Variants in EPB41L3 observed in about 807,000 individuals in gnomAD.
EPB41L3 encodes band 4.1-like protein 3.
Under a neutral mutation model 127.1 loss-of-function variants are expected in EPB41L3, and 57 were observed. That is an observed-to-expected ratio of 0.45 (90% CI 0.36 to 0.56). The LOEUF is 0.56. Ranked by LOEUF, EPB41L3 falls within the 20% of genes least tolerant of loss-of-function variation. The probability of loss-of-function intolerance (pLI) is 0.00; values close to 1 mark genes in which losing one functional copy is unlikely to be tolerated. For synonymous variants in EPB41L3, 572 were observed against 549.5 expected, an observed-to-expected ratio of 1.04 and a Z score of -0.57; for missense variants, 1,273 against 1,372.2, an observed-to-expected ratio of 0.93 and a Z score of 1.14.
At chr18:5,532,251 T>A (rs2093435617) in intron 1 of EPB41L3, among the ~76,000 whole-genome samples, 1 of 152,214 alleles carries the variant, frequency 6.6e-6, no homozygotes, top group African/African-American at 2.4e-5. Context: ...TGAAATCTTG[T>A]TTACTACTCA....
chr18:5,506,161 G>T (rs1267462035), intron 1 of EPB41L3, among the ~76,000 whole-genome samples: 1 of 151,862 alleles, frequency 6.6e-6, no homozygotes, highest in African/African-American at 2.4e-5. Context: ...CCTCCCAACT[G>T]GTCTCCCTAC....
intron 3 of EPB41L3, among the ~76,000 whole-genome samples, chr18:5,457,268 G>C (rs761639799): frequency 2.6e-5 from 4 of 152,130 alleles, no homozygotes; most frequent in Non-Finnish European, 5.9e-5. Context: ...AGACTGCACT[G>C]TTTTTTCTCT....
At chr18:5,445,508 T>C (rs1339112261) in intron 3 of EPB41L3, among the ~76,000 whole-genome samples, 4 of 152,184 alleles carry the variant, frequency 2.6e-5, no homozygotes, top group African/African-American at 9.7e-5. Flanking sequence ...TATGTACAGG[T>C]GACCAGTGGG....
Position 5,397,901 on chromosome 18 carries a change from A to G in EPB41L3, c.2472+120T>C, listed in dbSNP as rs1276652601. 5 of 1,122,828 alleles carry G rather than the reference A, an allele frequency of 4.5e-6. No individual in the cohort carries two copies. The African/African-American group carries it at 6.2e-5, about 14-fold the overall frequency. 69.6% of individuals were successfully genotyped at this position (1,122,828 alleles called of 1,614,324 possible). A position where few individuals can be genotyped will look rare whatever the true frequency, so the allele number is the denominator to read the frequency against. ...GACACAAAGGACAATAAGTGAAGAC[A>G]CCTTTGAGATGTTGAAGGCAAAGCC... On this transcript the variant is annotated intron_variant, in intron 17 of 22. Coordinates refer to ENST00000341928, the MANE Select transcript of EPB41L3 (RefSeq NM_012307.5). This position sits in a 1 kb window ranked among gnomAD's most constrained non-coding sequence, Gnocchi z 4.1.
chr18:5,546,728 C>T (rs560739945), upstream of EPB41L3, among the ~76,000 whole-genome samples: 4 of 152,174 alleles, frequency 2.6e-5, no homozygotes, highest in East Asian at 1.9e-4. Context: ...GAAAAAGAAA[C>T]GTCAAATTCA....
intron 13 of EPB41L3, among the ~76,000 whole-genome samples, chr18:5,413,453 A>T (rs1343604489): frequency 6.6e-6 from 1 of 152,212 alleles, no homozygotes; most frequent in Non-Finnish European, 1.5e-5. Flanking sequence ...ATAACATGTT[A>T]AAAAAGTAAG....
chr18:5,450,598 CTTAGT>C (rs920749457), intron 3 of EPB41L3, among the ~76,000 whole-genome samples: 11 of 151,688 alleles, frequency 7.3e-5, no homozygotes, highest in South Asian at 2.1e-4. Context: ...AAAATACATT[CTTAGT>C]TTAAATTGTT....
chr18:5,443,459 C>A (rs1307690105), intron 5 of EPB41L3, among the ~76,000 whole-genome samples: 3 of 152,178 alleles, frequency 2.0e-5, no homozygotes, highest in Non-Finnish European at 4.4e-5. Context: ...AGACAGTAAA[C>A]CTCAGTTTGA....
At chr18:5,524,370 T>G (rs1224198533) in intron 1 of EPB41L3, among the ~76,000 whole-genome samples, 1 of 152,054 alleles carries the variant, frequency 6.6e-6, no homozygotes, top group Non-Finnish European at 1.5e-5. Flanking sequence ...ATTTTTTGTA[T>G]TTTTAGTAGA....
At chr18:5,481,881 G>A (rs2088620475) in intron 2 of EPB41L3, among the ~76,000 whole-genome samples, 1 of 152,184 alleles carries the variant, frequency 6.6e-6, no homozygotes, top group Non-Finnish European at 1.5e-5. Context: ...CAGAGGCCTA[G>A]CGGTAAAAAA....
chr18:5,600,675 G>A (rs967564978), intron 3 of EPB41L3, among the ~76,000 whole-genome samples: 21 of 152,104 alleles, frequency 1.4e-4, no homozygotes, highest in Non-Finnish European at 1.5e-4. Flanking sequence ...TCATCCTTTC[G>A]TTTTAAAAAT....
chr18:5,570,550 A>G (rs1176385007), intron 3 of EPB41L3, among the ~76,000 whole-genome samples: 1 of 152,152 alleles, frequency 6.6e-6, no homozygotes, highest in Admixed American at 6.5e-5. Flanking sequence ...CAGCTTCTAG[A>G]ATACAGCCCA....
At chr18:5,619,576 T>A (rs1244829991) in intron 1 of EPB41L3, among the ~76,000 whole-genome samples, 1 of 152,196 alleles carries the variant, frequency 6.6e-6, no homozygotes, top group Non-Finnish European at 1.5e-5. Context: ...CAGGCAGGAA[T>A]GTGCCACTTG....
intron 3 of EPB41L3, among the ~76,000 whole-genome samples, chr18:5,580,378 CACAT>C (rs2094381804): frequency 1.3e-5 from 2 of 151,922 alleles, no homozygotes; most frequent in Admixed American, 6.6e-5. Context: ...CAGGTATAGA[CACAT>C]ACTCATGCCA....
At chr18:5,531,688 C>T (rs986576879) in intron 1 of EPB41L3, among the ~76,000 whole-genome samples, 3 of 144,024 alleles carry the variant, frequency 2.1e-5, no homozygotes, top group Non-Finnish European at 4.5e-5. Context: ...AAGATCATGC[C>T]GCCACTGCAC....
intron 1 of EPB41L3, among the ~76,000 whole-genome samples, chr18:5,626,735 G>A (rs922015860): frequency 6.6e-6 from 1 of 152,136 alleles, no homozygotes. Context: ...TCACTTCCTG[G>A]ATCTTTTTAA....
chr18:5,549,075 G>A (rs1004684071), upstream of EPB41L3, among the ~76,000 whole-genome samples: 2 of 152,220 alleles, frequency 1.3e-5, no homozygotes, highest in East Asian at 3.8e-4. Context: ...GACACATTCA[G>A]AAGTCGGGCT....
At chr18:5,426,044 GTTTC>G (rs1468034960) in intron 9 of EPB41L3, among the ~76,000 whole-genome samples, 1 of 152,056 alleles carries the variant, frequency 6.6e-6, no homozygotes, top group Non-Finnish European at 1.5e-5. Flanking sequence ...CCATCAGCCT[GTTTC>G]TTCTTTTATT....
At chr18:5,519,779 C>G (rs2092911478) in intron 1 of EPB41L3, among the ~76,000 whole-genome samples, 1 of 152,208 alleles carries the variant, frequency 6.6e-6, no homozygotes, top group Non-Finnish European at 1.5e-5. Flanking sequence ...ATATATTTCT[C>G]TTTCCTACAT....
Sources: gnomAD v4.1 joint callset for allele counts (sites outside exome capture counted in the v4.1 genomes callset) on GRCh38, gnomAD v4.1.1 for gene constraint, Gnocchi (gnomAD v3.1) non-coding constraint, MANE v1.5 for transcripts, NCBI Gene and HGNC (gene_info 2026-07-23, HGNC 2026-07-21) for gene names.